Variants in FSTL1 observed in about 807,000 individuals in gnomAD.
The protein encoded by FSTL1 is follistatin-related protein 1.
FSTL1 carries 24 observed loss-of-function variants against 45.9 expected under a neutral mutation model. The ratio of observed to expected loss-of-function variants is 0.52; its 90% CI spans 0.38 to 0.74. The LOEUF (loss-of-function observed/expected upper bound fraction) is 0.74, where lower values mean the gene tolerates loss of function less well. FSTL1 is among the 30% of genes least tolerant of loss of function. The pLI is 0.00. For missense variants in FSTL1, 340 were observed against 381.8 expected (o/e 0.89, Z 0.91); for synonymous variants, 120 against 137.6 (o/e 0.87, Z 0.89).
Position 120,411,027 on chromosome 3 carries a change from A to G in FSTL1, c.299-43T>C, listed in dbSNP as rs1937040917. 9 of 1,514,946 alleles carry G rather than the reference A, an allele frequency of 5.9e-6. No individual in the cohort carries two copies. In the East Asian group the frequency reaches 2.0e-4, roughly 34 times the overall value. The allele number at this position is 1,514,946 out of a possible 1,614,324, so 93.8% of individuals were successfully genotyped here. A position where few individuals can be genotyped will look rare whatever the true frequency, so the allele number is the denominator to read the frequency against. On this transcript the variant is annotated intron_variant, in intron 4 of 10. Transcript: ENST00000295633. Reference sequence around the variant, plus strand: ...AAAACGTGTAATGCGAAGTGAAGGAAAAAAGAAAATTTTTCTGTATTTCTA... The same window carrying G: ...AAAACGTGTAATGCGAAGTGAAGGAGAAAAGAAAATTTTTCTGTATTTCTA...
intron 2 of FSTL1, among the ~76,000 whole-genome samples, chr3:120,440,840 T>C (rs1378179630): frequency 6.6e-6 from 1 of 152,166 alleles, no homozygotes; most frequent in African/African-American, 2.4e-5. Flanking sequence ...CTCTCTGTAA[T>C]GGTGAGAGAA....
intron 2 of FSTL1, among the ~76,000 whole-genome samples, chr3:120,431,658 T>TAA (rs1166717704): frequency 2.7e-5 from 4 of 148,530 alleles, no homozygotes; most frequent in Non-Finnish European, 6.0e-5. Flanking sequence ...TCCTGTCTCT[T>TAA]AAAAAAAAAA....
In FSTL1 at chr3:120,404,969, G is replaced by A; in HGVS notation, c.465C>T (p.Asn155=). The part of the protein sequence containing the change: ...YSEILDKYFK[N]FDNGDSRLDS... Reference sequence around the variant, plus strand: ...CCAGGCGAGAATCACCATTATCAAAGTTCTAGAAAGGGCATGACAAGATCG... The same window carrying A: ...CCAGGCGAGAATCACCATTATCAAAATTCTAGAAAGGGCATGACAAGATCG... The change falls in exon 7 of 11, where the codon AAC becomes AAT. Residue 155 remains asparagine, a splice_region_variant and synonymous_variant. Coordinates refer to ENST00000295633, the MANE Select transcript of FSTL1 (RefSeq NM_007085.5). 6.7e-7 allele frequency: 1 copy of A among 1,494,910 alleles called. No homozygotes were observed. The highest frequency in any genetic ancestry group is 9.3e-7 in the Non-Finnish European group (1 of 1,071,130). The allele number at this position is 1,494,910 out of a possible 1,614,324, so 92.6% of individuals were successfully genotyped here. A position where few individuals can be genotyped will look rare whatever the true frequency, so the allele number is the denominator to read the frequency against.
At chr3:120,443,681 T>C (rs892009833) in intron 2 of FSTL1, among the ~76,000 whole-genome samples, 1 of 149,868 alleles carries the variant, frequency 6.7e-6, no homozygotes, top group Non-Finnish European at 1.5e-5. Flanking sequence ...GCTTTTGTCA[T>C]GTATCATATG....
chr3:120,435,498 A>T (rs1344900474), intron 2 of FSTL1, among the ~76,000 whole-genome samples: 2 of 152,116 alleles, frequency 1.3e-5, no homozygotes, highest in Non-Finnish European at 2.9e-5. Flanking sequence ...CATGCTTTGA[A>T]CACTCTTAGG....
chr3:120,423,729 T>A (rs995063685), intron 2 of FSTL1: 2 of 152,188 alleles, frequency 1.3e-5, no homozygotes, highest in African/African-American at 4.8e-5. Flanking sequence ...GACAGGGTCT[T>A]TCGGGCTCCC....
chr3:120,438,225 A>G (rs550181999), intron 2 of FSTL1: 31 of 151,844 alleles, frequency 2.0e-4, no homozygotes, highest in African/African-American at 7.5e-4. Context: ...TAAGTTCAAT[A>G]AATCCCAAAC....
intron 2 of FSTL1, among the ~76,000 whole-genome samples, chr3:120,427,661 T>C (rs1479525728): frequency 6.6e-6 from 1 of 152,174 alleles, no homozygotes; most frequent in Non-Finnish European, 1.5e-5. Context: ...CAGAAAGACA[T>C]TGAAGAGTGT....
chr3:120,405,368 T>C (rs1936927796), intron 6 of FSTL1, among the ~76,000 whole-genome samples: 1 of 152,226 alleles, frequency 6.6e-6, no homozygotes, highest in Non-Finnish European at 1.5e-5. Flanking sequence ...AATCAGAATC[T>C]CTGTAGCAGG....
intron 2 of FSTL1, among the ~76,000 whole-genome samples, chr3:120,442,801 A>T (rs867981833): frequency 7.5e-4 from 103 of 136,752 alleles, no homozygotes; most frequent in African/African-American, 3.4e-3. Flanking sequence ...AAAAAAAAAA[A>T]AAAAAAAAAG....
intron 3 of FSTL1, among the ~76,000 whole-genome samples, chr3:120,413,547 G>A (rs1576214589): frequency 6.6e-6 from 1 of 152,192 alleles, no homozygotes; most frequent in African/African-American, 2.4e-5. Context: ...AGGTTTCTGA[G>A]TTAGAAAACT....
At position 120,403,258 on chromosome 3, in the gene FSTL1, G is replaced by T; in HGVS notation, c.678C>A (p.Phe226Leu). 6.3e-7 allele frequency: 1 copy of T among 1,595,766 alleles called. No homozygotes were observed. Among genetic ancestry groups the T allele is most frequent in the Admixed American group, 1.7e-5 (1 of 59,996 alleles). The change falls in exon 8 of 11, where the codon TTC becomes TTA. Residue 226 changes from phenylalanine (F) to leucine (L), a missense_variant. Phe to Leu is a conservative substitution (Grantham distance 22). Transcript: ENST00000295633. ...TAGGCATACTCTTCTCAGGAGGGTT[G>T]AAAGATGGGTTGAGGCACTTGAGAA... The part of the protein sequence containing the change: ...QEFLKCLNPS[F>L]NPPEKKCALE...
At chr3:120,404,288 C>T (rs1180704162) in intron 7 of FSTL1, among the ~76,000 whole-genome samples, 1 of 152,132 alleles carries the variant, frequency 6.6e-6, no homozygotes, top group African/African-American at 2.4e-5. Flanking sequence ...CTGTGCAATG[C>T]ACTTCTTTTG....
intron 6 of FSTL1, among the ~76,000 whole-genome samples, chr3:120,406,081 G>A (rs1380430702): frequency 6.6e-6 from 1 of 152,014 alleles, no homozygotes; most frequent in Non-Finnish European, 1.5e-5. Flanking sequence ...CTTGCCATGT[G>A]TCACAGGTGT....
At chr3:120,407,219 G>GT (rs1440445205) in intron 6 of FSTL1, among the ~76,000 whole-genome samples, 4 of 152,216 alleles carry the variant, frequency 2.6e-5, no homozygotes, top group Non-Finnish European at 5.9e-5. Context: ...GCTTATCAAT[G>GT]TAAGTTTGGA....
At position 120,402,946 on chromosome 3, in the gene FSTL1, G is replaced by A. The variant is rs1322275365; in HGVS notation, c.695-28C>T. 14 of 1,411,686 alleles carry A rather than the reference G, an allele frequency of 9.9e-6. No individual in the cohort carries two copies. The Admixed American group carries it at 1.8e-4, about 19-fold the overall frequency. The allele number at this position is 1,411,686 out of a possible 1,614,324, so 87.4% of individuals were successfully genotyped here. On this transcript the variant is annotated intron_variant, in intron 8 of 10. Coordinates refer to ENST00000295633, the MANE Select transcript of FSTL1 (RefSeq NM_007085.5). ...GTTGGGCCAGAAATACGGGGCAACA[G>A]TTTAGCTGTGAGGGTGGAACAGGGC...
At position 120,397,110 on chromosome 3, in the gene FSTL1, T is replaced by C. The variant is rs1936717898; in HGVS notation, c.883-114A>G. 6 of 874,330 alleles carry C rather than the reference T, an allele frequency of 6.9e-6. No homozygotes were observed. The Admixed American group carries it at 8.8e-5, about 13-fold the overall frequency. 54.2% of individuals were successfully genotyped at this position (874,330 alleles called of 1,614,324 possible). A position where few individuals can be genotyped will look rare whatever the true frequency, so the allele number is the denominator to read the frequency against. On this transcript the variant is annotated intron_variant, in intron 10 of 10. Coordinates refer to ENST00000295633, the MANE Select transcript of FSTL1 (RefSeq NM_007085.5). ...TTTACAAGCTTATGCTGAATTTTAG[T>C]TGTTTACTTGTCGGGCTCCTCCACG...
rs1400156123 is a variant in FSTL1 at position 120,393,642 on chromosome 3, CATTTA to C, written c.*3305_*3309del. 4 of 152,278 alleles carry C rather than the reference CATTTA, an allele frequency of 2.6e-5. 1 individual carries two copies. The highest frequency in any genetic ancestry group is 9.6e-5 in the African/African-American group (4 of 41,554). 9.4% of individuals were successfully genotyped at this position (152,278 alleles called of 1,614,324 possible). On this transcript the variant is annotated 3_prime_UTR_variant, in exon 11 of 11. Coordinates refer to ENST00000295633, the MANE Select transcript of FSTL1 (RefSeq NM_007085.5). ...TAAATCATATGGGGGATTTACGAGT[CATTTA>C]ATTTAATGTCTTCCCAATACAGGAA...
chr3:120,436,410 C>T (rs900526619), intron 2 of FSTL1, among the ~76,000 whole-genome samples: 51 of 152,180 alleles, frequency 3.4e-4, no homozygotes, highest in Admixed American at 2.0e-4. Context: ...ATTGAGAAAC[C>T]CAAAATGGAC....
Sources: gnomAD v4.1 joint callset for allele counts (sites outside exome capture counted in the v4.1 genomes callset) on GRCh38, gnomAD v4.1.1 for gene constraint, MANE v1.5 for transcripts, NCBI Gene and HGNC (gene_info 2026-07-23, HGNC 2026-07-21) for gene names.